The following PDE1C variants were observed in gnomAD, a reference collection of about 807,000 sequenced individuals.
PDE1C encodes the protein phosphodiesterase 1C, also known as dual specificity calcium/calmodulin-dependent 3',5'-cyclic nucleotide phosphodiesterase 1C.
Under a neutral mutation model 93.1 loss-of-function variants are expected in PDE1C, and 62 were observed. The observed-to-expected ratio is 0.67, with a 90% CI of 0.54 to 0.82. The LOEUF is 0.82. Among genes scored for constraint, PDE1C ranks in the 40% least tolerant of loss-of-function variants. The pLI, the probability that PDE1C is intolerant of heterozygous loss-of-function variation, is 0.00. For synonymous variants in PDE1C, 325 were observed against 310.1 expected, an observed-to-expected ratio of 1.05 and a Z score of -0.50; for missense variants, 742 against 884.6, an observed-to-expected ratio of 0.84 and a Z score of 2.04.
At chr7:31,944,238 T>G (rs2129004434) in intron 2 of PDE1C, among the ~76,000 whole-genome samples, 1 of 152,332 alleles carries the variant, frequency 6.6e-6, no homozygotes, top group African/African-American at 2.4e-5. Context: ...CTGTCTGGTT[T>G]TCCCTCCCGG....
chr7:31,722,515 G>A, the PDE1C span, among the ~76,000 whole-genome samples: 10 of 152,132 alleles, frequency 6.6e-5, no homozygotes, highest in African/African-American at 2.2e-4. Context: ...ATTCATACAC[G>A]CTTATACTGG....
intron 2 of PDE1C, among the ~76,000 whole-genome samples, chr7:31,990,952 G>C (rs1784075045): frequency 6.6e-6 from 1 of 152,110 alleles, no homozygotes; most frequent in South Asian, 2.1e-4. Flanking sequence ...GCAACTCCAA[G>C]CTGGATAGCA....
chr7:31,642,822 T>C, the PDE1C span: 6 of 1,613,694 alleles, frequency 3.7e-6, no homozygotes, highest in African/African-American at 1.3e-5. Flanking sequence ...CGAGCATGTC[T>C]TTTTCAAGCC....
chr7:32,224,891 TA>T (rs1434407712), intron 1 of PDE1C, among the ~76,000 whole-genome samples: 4 of 150,920 alleles, frequency 2.7e-5, no homozygotes, highest in East Asian at 2.0e-4. Flanking sequence ...AAAAATAACC[TA>T]AAAAAAATGG....
chr7:31,716,587 C>T, the PDE1C span, among the ~76,000 whole-genome samples: 2 of 152,118 alleles, frequency 1.3e-5, no homozygotes, highest in Non-Finnish European at 2.9e-5. Flanking sequence ...TGATCATTGA[C>T]CACATGTAAC....
At chr7:32,064,569 A>AATCCT (rs1795164164) in intron 1 of PDE1C, among the ~76,000 whole-genome samples, 1 of 152,174 alleles carries the variant, frequency 6.6e-6, no homozygotes, top group South Asian at 2.1e-4. Context: ...CCCTTTTTCC[A>AATCCT]GAATTACAAT....
At chr7:32,160,548 G>A (rs1369465721) in intron 3 of PDE1C, among the ~76,000 whole-genome samples, 1 of 152,122 alleles carries the variant, frequency 6.6e-6, no homozygotes, top group Non-Finnish European at 1.5e-5. Flanking sequence ...TTTTAGTGAA[G>A]AAAGGAATCT....
chr7:31,878,792 A>G (rs1796904861), intron 4 of PDE1C, among the ~76,000 whole-genome samples: 1 of 152,210 alleles, frequency 6.6e-6, no homozygotes, highest in Admixed American at 6.5e-5. Context: ...AATTCTGAGC[A>G]AAAGCAAAAG....
the PDE1C span, among the ~76,000 whole-genome samples, chr7:31,685,084 A>ACG: frequency 5.3e-3 from 814 of 152,226 alleles, 7 homozygotes; most frequent in African/African-American, 0.018. Context: ...ATTGACACAC[A>ACG]CAACAACCTG....
At chr7:32,361,761 C>T (rs555759487) in intron 1 of PDE1C, among the ~76,000 whole-genome samples, 5 of 152,300 alleles carry the variant, frequency 3.3e-5, no homozygotes, top group African/African-American at 1.2e-4. Context: ...CCAGTGACCA[C>T]GGTGCATCTC....
At chr7:32,207,619 TCC>T (rs1189808335) in intron 2 of PDE1C, among the ~76,000 whole-genome samples, 1 of 141,124 alleles carries the variant, frequency 7.1e-6, no homozygotes, top group African/African-American at 2.6e-5. Flanking sequence ...TTTTTCGTTC[TCC>T]TTTTTTTTCC....
downstream of PDE1C, among the ~76,000 whole-genome samples, chr7:31,748,283 C>T (rs1794048140): frequency 7.0e-6 from 1 of 142,970 alleles, no homozygotes; most frequent in Non-Finnish European, 1.5e-5. Flanking sequence ...TTGTGTCTTA[C>T]AAAAGTTTGG....
Position 32,082,999 on chromosome 7 carries a change from C to T in PDE1C, c.308+86786G>A, listed in dbSNP as rs376657994. 3.7e-3 allele frequency among the ~76,000 whole-genome samples: 557 copies of T among 150,298 alleles called. 1 individual carries two copies. Among genetic ancestry groups the T allele is most frequent in the East Asian group, 0.018 (91 of 4,996 alleles). On this transcript the variant is annotated intron_variant, in intron 3 of 18. Transcript: ENST00000396193. ...TCACCAGCAATGGAACAAAGCTGGACGGAGAATGACTTTGACGAGTTGAGA... is the reference window on the plus strand; with the variant it reads ...TCACCAGCAATGGAACAAAGCTGGATGGAGAATGACTTTGACGAGTTGAGA...
intron 2 of PDE1C, among the ~76,000 whole-genome samples, chr7:32,177,927 C>T (rs1045466827): frequency 6.6e-6 from 1 of 152,174 alleles, no homozygotes; most frequent in Non-Finnish European, 1.5e-5. Context: ...AGGTGGGGAG[C>T]ATGCTCAGAA....
chr7:32,096,267 G>C (rs1252909350), intron 3 of PDE1C, among the ~76,000 whole-genome samples: 1 of 152,172 alleles, frequency 6.6e-6, no homozygotes, highest in Non-Finnish European at 1.5e-5. Context: ...CACTAAGCAG[G>C]CAGTGCACTT....
At chr7:31,819,693 C>A (rs1788718648) in intron 14 of PDE1C, among the ~76,000 whole-genome samples, 1 of 152,096 alleles carries the variant, frequency 6.6e-6, no homozygotes, top group African/African-American at 2.4e-5. Flanking sequence ...TTCTACCCCA[C>A]AATGCATGTC....
chr7:32,205,370 G>A (rs1805355218), intron 2 of PDE1C, among the ~76,000 whole-genome samples: 1 of 152,236 alleles, frequency 6.6e-6, no homozygotes, highest in Admixed American at 6.5e-5. Flanking sequence ...GGTTGGGTGA[G>A]GACTTGGAGA....
chr7:32,162,146 C>A (rs1186331262), intron 3 of PDE1C, among the ~76,000 whole-genome samples: 1 of 152,156 alleles, frequency 6.6e-6, no homozygotes, highest in African/African-American at 2.4e-5. Context: ...GTTGTAGTTT[C>A]TTTAATCTCA....
At chr7:31,729,762 T>C in the PDE1C span, among the ~76,000 whole-genome samples, 1 of 152,200 alleles carries the variant, frequency 6.6e-6, no homozygotes, top group South Asian at 2.1e-4. Flanking sequence ...AGAGATCTTC[T>C]CCCTTTAACC....
Sources: gnomAD v4.1 joint callset for allele counts (sites outside exome capture counted in the v4.1 genomes callset) on GRCh38, gnomAD v4.1.1 for gene constraint, MANE v1.5 for transcripts, NCBI Gene and HGNC (gene_info 2026-07-23, HGNC 2026-07-21) for gene names.